Variants in ACAD8 observed in about 807,000 individuals in gnomAD.
ACAD8 encodes isobutyryl-CoA dehydrogenase, mitochondrial.
In ACAD8, 47 loss-of-function variants were observed where a neutral mutation model predicts 53.1. The observed-to-expected ratio is 0.89, with a 90% CI of 0.70 to 1.13. The LOEUF is 1.13. Among genes scored for constraint, ACAD8 ranks in the 50% most tolerant of loss-of-function variants. The pLI is 0.00. For synonymous variants in ACAD8, 198 were observed against 201.3 expected, an observed-to-expected ratio of 0.98 and a Z score of 0.14; for missense variants, 494 against 535.0, an observed-to-expected ratio of 0.92 and a Z score of 0.76.
chr11:134,257,542 T>G (rs112866184), intron 3 of ACAD8, among the ~76,000 whole-genome samples: 8 of 151,788 alleles, frequency 5.3e-5, no homozygotes, highest in African/African-American at 1.7e-4. Flanking sequence ...GTGTGGTGGC[T>G]GGCGCCTGTA....
chr11:134,265,173 A>T lies in ACAD8; in HGVS notation c.*213A>T. The T allele has an allele frequency of 1.7e-6, 1 of 603,358 alleles. No individual in the cohort carries two copies. The highest frequency in any genetic ancestry group is 1.8e-5 in the African/African-American group (1 of 54,414). 37.4% of individuals were successfully genotyped at this position (603,358 alleles called of 1,614,324 possible). ...ACCGGAAGAGCTGGACTGATGAGAA[A>T]CATCAGAAGAACACATACTACCTTG... On this transcript the variant is annotated 3_prime_UTR_variant, in exon 11 of 11. Transcript: ENST00000281182.
intron 2 of ACAD8, 156 bp downstream of exon 2, chr11:134,256,804 G>C (rs754298478): frequency 6.9e-6 from 5 of 729,552 alleles, no homozygotes; most frequent in Non-Finnish European, 1.1e-5. Context: ...TTCCTAGAAG[G>C]CATCCTGATC....
rs1224391966 is a variant in ACAD8 at position 134,259,606 on chromosome 11, A to T, written c.568-2A>T. On this transcript the variant is annotated splice_acceptor_variant, in intron 5 of 10. Transcript: ENST00000281182. LOFTEE classifies it high-confidence loss of function. ...CCTTTTGCACCCCTTTTACCCCCACAGGCCTTCATCAGTGGTGCTGGTGAG... is the reference window on the plus strand; with the variant it reads ...CCTTTTGCACCCCTTTTACCCCCACTGGCCTTCATCAGTGGTGCTGGTGAG... 22 of 1,614,094 alleles carry T rather than the reference A, an allele frequency of 1.4e-5. No individual in the cohort carries two copies. Among genetic ancestry groups the T allele is most frequent in the Middle Eastern group, 1.7e-4 (1 of 6,060 alleles).
chr11:134,264,073 G>A lies in ACAD8; in HGVS notation c.1196-835G>A, dbSNP rs561962671. On this transcript the variant is annotated intron_variant, in intron 10 of 10. Coordinates refer to ENST00000281182, the MANE Select transcript of ACAD8 (RefSeq NM_014384.3). ...AAATTAGGAAAAGTAGGCTGGGTGC[G>A]GTAGCTTATGTCTATAATCGCCGCA... The A allele has an allele frequency of 8.9e-5, 87 of 982,670 alleles. No individual in the cohort carries two copies. The African/African-American group carries it at 1.3e-3, about 14-fold the overall frequency. The allele number at this position is 982,670 out of a possible 1,614,324, so 60.9% of individuals were successfully genotyped here.
chr11:134,253,885 C>G lies in ACAD8; in HGVS notation c.109+176C>G, dbSNP rs1591499843. ...GGCCGGTCACCCCCGGCCTGGCTGC[C>G]CCCTCCGGTCGGTCACCACCATCCG... On this transcript the variant is annotated intron_variant, in intron 1 of 10. Transcript: ENST00000281182. Among the ~76,000 whole-genome samples, 6 of 151,474 alleles carry G rather than the reference C, an allele frequency of 4.0e-5. 1 individual carries two copies. Among genetic ancestry groups the G allele is most frequent in the African/African-American group, 1.5e-4 (6 of 41,270 alleles).
intron 5 of ACAD8, 93 bp downstream of exon 5, chr11:134,259,177 C>A: frequency 8.9e-7 from 1 of 1,117,806 alleles, no homozygotes; most frequent in Non-Finnish European, 1.4e-6. Flanking sequence ...GGTTAATACT[C>A]CCATAGGATT....
chr11:134,255,223 G>A (rs1356829264), intron 1 of ACAD8, among the ~76,000 whole-genome samples: 1 of 152,154 alleles, frequency 6.6e-6, no homozygotes, highest in South Asian at 2.1e-4. Flanking sequence ...CGCAACCTCT[G>A]CCCCACGGGT....
chr11:134,261,881 A>C lies in ACAD8; in HGVS notation c.1083A>C (p.Glu361Asp), dbSNP rs771366192. The change falls in exon 9 of 11, where the codon GAA (glutamate) becomes GAC (aspartate). Residue 361 changes from glutamate (E) to aspartate (D), a missense_variant. Physicochemically the swap from Glu to Asp is conservative, Grantham distance 45. Coordinates refer to ENST00000281182, the MANE Select transcript of ACAD8 (RefSeq NM_014384.3). This position sits in a 1 kb window ranked among gnomAD's most constrained non-coding sequence, Gnocchi z 4.2. ...TGGCCAAGCTCTTTGCTACAGATGA[A>C]TGCTTTGCCGTAAGTGATTCCTCTG... The part of the protein sequence containing the change: ...CSMAKLFATD[E>D]CFAICNQALQ... 1.2e-6 allele frequency: 2 copies of C among 1,614,092 alleles called. No individual in the cohort carries two copies. Among genetic ancestry groups the C allele is most frequent in the Non-Finnish European group, 1.7e-6 (2 of 1,180,034 alleles).
Position 134,265,238 on chromosome 11 carries a change from G to A in ACAD8, c.*278G>A, listed in dbSNP as rs1169755418. 17 of 514,086 alleles carry A rather than the reference G, an allele frequency of 3.3e-5. No homozygotes were observed. Among genetic ancestry groups the A allele is most frequent in the African/African-American group, 7.6e-5 (4 of 52,382 alleles). 31.8% of individuals were successfully genotyped at this position (514,086 alleles called of 1,614,324 possible). On this transcript the variant is annotated 3_prime_UTR_variant, in exon 11 of 11. Coordinates refer to ENST00000281182, the MANE Select transcript of ACAD8 (RefSeq NM_014384.3). ...GAAGGGTGACCAGTGAAGATTCACC[G>A]TCAAACCATGAAAGTCCTTTCTTGG...
In ACAD8 at chr11:134,261,127, G is replaced by A. The variant is rs1216281539; in HGVS notation, c.789G>A (p.Gly263=). 2 of 1,612,082 alleles carry A rather than the reference G, an allele frequency of 1.2e-6. No homozygotes were observed. The highest frequency in any genetic ancestry group is 3.4e-5 in the Admixed American group (2 of 59,608). The change falls in exon 7 of 11, where the codon GGG becomes GGA. Residue 263 remains glycine, a synonymous_variant. Coordinates refer to ENST00000281182, the MANE Select transcript of ACAD8 (RefSeq NM_014384.3). The surrounding 1 kb of genome is among the most constrained non-coding windows in gnomAD (Gnocchi z 4.2). ...TGGCCAACAGAATTGGGAGCGAGGG[G>A]CAGGGCTTCCTCATTGCCGTGAGAG... ...VPVANRIGSE[G]QGFLIAVRGL...
chr11:134,264,703 G>A (rs1036830214), intron 10 of ACAD8, among the ~76,000 whole-genome samples: 2 of 152,142 alleles, frequency 1.3e-5, no homozygotes, highest in Admixed American at 6.5e-5. Context: ...ATCAGAAGAA[G>A]TTTTTAAAAA....
intron 1 of ACAD8, among the ~76,000 whole-genome samples, 162 bp from the exon 2 acceptor site, chr11:134,256,386 A>G (rs959174486): frequency 1.3e-5 from 2 of 152,270 alleles, no homozygotes; most frequent in African/African-American, 4.8e-5. Flanking sequence ...GACAAGTGGA[A>G]TAACGACAGA....
In ACAD8 at chr11:134,262,566, A is replaced by G. The variant is rs1330127909; in HGVS notation, c.1139A>G (p.Lys380Arg). ...LQMHGGYGYL[K>R]DYAVQQYVRD... The stretch of plus-strand genomic sequence containing the variant: ...ATGCACGGGGGCTACGGCTACCTGA[A>G]GGATTACGCTGTTCAGCAGTACGTG... Residue 380 changes from lysine to arginine, a missense_variant, in exon 10 of 11, where the codon AAG becomes AGG. Physicochemically the swap from Lys to Arg is conservative, Grantham distance 26. Transcript: ENST00000281182. 3.1e-6 allele frequency: 5 copies of G among 1,613,962 alleles called. No homozygotes were observed. The African/African-American group carries it at 6.7e-5, about 22-fold the overall frequency.
At chr11:134,255,539 C>T (rs893165965) in intron 1 of ACAD8, among the ~76,000 whole-genome samples, 1 of 152,154 alleles carries the variant, frequency 6.6e-6, no homozygotes, top group Admixed American at 6.5e-5. Context: ...TAACAGCAAC[C>T]CTTGTACAAA....
intron 4 of ACAD8, 143 bp from the exon 5 acceptor site, chr11:134,258,865 C>T: frequency 2.4e-6 from 2 of 817,712 alleles, no homozygotes; most frequent in Non-Finnish European, 4.1e-6. Flanking sequence ...CAGAGAGTTC[C>T]TTTGGCCACT....
intron 10 of ACAD8, chr11:134,262,856 T>C (rs1176026107): frequency 7.1e-7 from 1 of 1,409,900 alleles, no homozygotes; most frequent in East Asian, 3.4e-5. Flanking sequence ...GCCCTTTTCC[T>C]CTGGAGATCT....
In ACAD8 at chr11:134,257,082, A is replaced by G. The variant is rs1939576948; in HGVS notation, c.211-6A>G. 1 of 1,614,008 alleles carries G rather than the reference A, an allele frequency of 6.2e-7. No individual in the cohort carries two copies. The highest frequency in any genetic ancestry group is 8.5e-7 in the Non-Finnish European group (1 of 1,180,026). ...TGCTGATCACCCTGCTCTCTTTTGTACATAGGAGCTGTTCCCAGTGGATGT... is the reference window on the plus strand; with the variant it reads ...TGCTGATCACCCTGCTCTCTTTTGTGCATAGGAGCTGTTCCCAGTGGATGT... On this transcript the variant is annotated splice_polypyrimidine_tract_variant and splice_region_variant and intron_variant, in intron 2 of 10. Transcript: ENST00000281182.
Position 134,261,062 on chromosome 11 carries a change from C to A in ACAD8, c.724C>A (p.Pro242Thr). 1 of 1,612,626 alleles carries A rather than the reference C, an allele frequency of 6.2e-7. No homozygotes were observed. The highest frequency in any genetic ancestry group is 8.5e-7 in the Non-Finnish European group (1 of 1,179,438). The change falls in exon 7 of 11, where the codon CCA (proline) becomes ACA (threonine). Residue 242 changes from proline to threonine, a missense_variant. Coordinates refer to ENST00000281182, the MANE Select transcript of ACAD8 (RefSeq NM_014384.3). The surrounding 1 kb of genome is among the most constrained non-coding windows in gnomAD (Gnocchi z 4.2). Reference protein sequence around the residue: ...KEKKVGWNSQPTRAVIFEDCA... With the variant: ...KEKKVGWNSQTTRAVIFEDCA... ...TTGCCAGGTGGGGTGGAACTCCCAG[C>A]CAACACGAGCTGTGATCTTCGAAGA...
chr11:134,254,775 T>G (rs1428796753), intron 1 of ACAD8, among the ~76,000 whole-genome samples: 2 of 152,264 alleles, frequency 1.3e-5, no homozygotes, highest in Non-Finnish European at 2.9e-5. Context: ...TTTTCCCATT[T>G]CATTTGGAGT....
Sources: allele counts gnomAD v4.1 joint callset (sites outside exome capture counted in the v4.1 genomes callset), GRCh38; gene constraint gnomAD v4.1.1; non-coding constraint Gnocchi (gnomAD v3.1); transcripts MANE v1.5; gene names NCBI Gene and HGNC (gene_info 2026-07-23, HGNC 2026-07-21).